The following SLMAP variants were observed in gnomAD, a reference collection of about 807,000 sequenced individuals.
The protein encoded by SLMAP is sarcolemmal membrane-associated protein.
In SLMAP, 44 loss-of-function variants were observed where a neutral mutation model predicts 128.8. The observed-to-expected ratio is 0.34, with a 90% CI of 0.27 to 0.44. SLMAP has a LOEUF of 0.44. SLMAP is among the 20% of genes least tolerant of loss of function. The pLI is 1.00. For synonymous variants in SLMAP, 327 were observed against 348.8 expected (o/e 0.94, Z 0.70); for missense variants, 787 against 985.3 (o/e 0.80, Z 2.69).
chr3:57,887,829 T>C (rs1278126501), intron 14 of SLMAP, among the ~76,000 whole-genome samples: 1 of 152,132 alleles, frequency 6.6e-6, no homozygotes, highest in Non-Finnish European at 1.5e-5. Context: ...AAACCAGATA[T>C]TACTGAGTGC....
At position 57,890,051 on chromosome 3, in the gene SLMAP, C is replaced by T. The variant is rs369261823; in HGVS notation, c.1311C>T (p.Ile437=). 3.0e-4 allele frequency: 490 copies of T among 1,612,444 alleles called. No individual in the cohort carries two copies. The highest frequency in any genetic ancestry group is 3.9e-4 in the Non-Finnish European group (465 of 1,178,600). The change falls in exon 15 of 25, where the codon ATC becomes ATT. Residue 437 remains isoleucine (I), a synonymous_variant. Transcript: ENST00000671191. ...TATTTTCCTTGGCAGAGAAGCTGAT[C>T]GTCGAAGGGCATCTAACCAAAGCGG... The part of the protein sequence containing the change: ...HQFIECQKKL[I]VEGHLTKAVE...
chr3:57,868,706 A>C (rs146621207), intron 13 of SLMAP, among the ~76,000 whole-genome samples: 2,100 of 150,468 alleles, frequency 0.014, 29 homozygotes, highest in Middle Eastern at 0.028. Context: ...CAGCCTGGAC[A>C]ACAGAGTAAG....
At chr3:57,760,698 A>T (rs1455226564) in intron 2 of SLMAP, among the ~76,000 whole-genome samples, 1 of 151,690 alleles carries the variant, frequency 6.6e-6, no homozygotes, top group Non-Finnish European at 1.5e-5. Flanking sequence ...CAGCCTGGGT[A>T]TCAAAGCAAG....
In SLMAP at chr3:57,917,195, T is replaced by C. The variant is rs112811813; in HGVS notation, c.2310+118T>C. ...AGAAGTCACATTACCTGTCACAAAA[T>C]TGATACTTGGAACATCTCTGCTTGG... On this transcript the variant is annotated intron_variant, in intron 22 of 24. Coordinates refer to ENST00000671191, the MANE Select transcript of SLMAP (RefSeq NM_001377540.1). 5.7e-4 allele frequency: 884 copies of C among 1,548,302 alleles called. 7 individuals carry two copies. In the African/African-American group the frequency reaches 0.011, roughly 19 times the overall value.
At chr3:57,865,122 C>T in intron 12 of SLMAP, 120 bp from the exon 13 acceptor site, 1 of 602,632 alleles carries the variant, frequency 1.7e-6, no homozygotes, top group South Asian at 2.6e-5. Context: ...CAGCAGGATC[C>T]CTTTTAAAGT....
Position 57,917,131 on chromosome 3 carries a change from C to G in SLMAP, c.2310+54C>G. ...TTATGGTTGGACTTAAAGCCAAAAG[C>G]AAATCGGATATCCATGCTAGTTAGA... On this transcript the variant is annotated intron_variant, in intron 22 of 24. Transcript: ENST00000671191. 2.5e-6 allele frequency: 4 copies of G among 1,609,388 alleles called. No individual in the cohort carries two copies. In the South Asian group the frequency reaches 3.3e-5, roughly 13 times the overall value.
intron 4 of SLMAP, among the ~76,000 whole-genome samples, chr3:57,844,778 G>C (rs1435033830): frequency 2.2e-5 from 3 of 137,428 alleles, no homozygotes; most frequent in African/African-American, 8.2e-5. Context: ...GCGGTGGTGT[G>C]ATCTCGGCTC....
At chr3:57,875,798 C>G (rs960075506) in intron 14 of SLMAP, among the ~76,000 whole-genome samples, 14 of 152,174 alleles carry the variant, frequency 9.2e-5, no homozygotes. Flanking sequence ...TTTGACTTGT[C>G]AGAAGGGACA....
chr3:57,890,329 G>T (rs1442278180), intron 15 of SLMAP: 1 of 418,054 alleles, frequency 2.4e-6, no homozygotes, highest in East Asian at 3.6e-5. Context: ...ATGGTTTTTT[G>T]AATGTTAGTA....
At position 57,913,209 on chromosome 3, in the gene SLMAP, A is replaced by G; in HGVS notation, c.2072A>G (p.His691Arg). 1 of 1,601,766 alleles carries G rather than the reference A, an allele frequency of 6.2e-7. No homozygotes were observed. Among genetic ancestry groups the G allele is most frequent in the Middle Eastern group, 1.7e-4 (1 of 6,006 alleles). ...KEWNALETECHSLKRENVLLS... is the reference protein window; with the variant it reads ...KEWNALETECRSLKRENVLLS... ...TGGAATGCATTGGAAACCGAATGCC[A>G]TTCTCTAAAAAGGGAAAATGTTTTG... The change falls in exon 21 of 25, where the codon CAT (histidine) becomes CGT (arginine). Residue 691 changes from histidine to arginine, a missense_variant. By Grantham distance (29) the His-to-Arg change is conservative. Transcript: ENST00000671191.
chr3:57,865,027 G>A (rs1054606765), intron 12 of SLMAP, among the ~76,000 whole-genome samples, 170 bp downstream of exon 12: 5 of 151,844 alleles, frequency 3.3e-5, no homozygotes, highest in African/African-American at 4.8e-5. Flanking sequence ...GCCACCAGTG[G>A]GCACCATTGT....
intron 2 of SLMAP, among the ~76,000 whole-genome samples, chr3:57,805,731 A>G (rs935039078): frequency 6.6e-6 from 1 of 152,114 alleles, no homozygotes; most frequent in Admixed American, 6.5e-5. Context: ...GTACTGCATG[A>G]TATGTCCTAA....
Position 57,907,922 on chromosome 3 carries a change from C to CTGTGAGCAA in SLMAP, c.1540_1541insTGTGAGCAA (p.Gln514delinsLeuTer). On this transcript the variant is annotated stop_gained and protein_altering_variant, in exon 18 of 25. Transcript: ENST00000671191. LOFTEE classifies it high-confidence loss of function. ...TGCACAGTCAGAAATTGAGGCAAAG[C>CTGTGAGCAA]AAGAAATACAGCATCTTCGAAAGGA... The CTGTGAGCAA allele has an allele frequency of 6.2e-7, 1 of 1,613,798 alleles. No individual in the cohort carries two copies.
intron 2 of SLMAP, among the ~76,000 whole-genome samples, chr3:57,812,755 T>A (rs2091210082): frequency 6.6e-6 from 1 of 152,124 alleles, no homozygotes; most frequent in Admixed American, 6.5e-5. Flanking sequence ...GTTTTTATTG[T>A]ACAAATATTT....
At chr3:57,792,206 G>C (rs2085627214) in intron 2 of SLMAP, among the ~76,000 whole-genome samples, 1 of 151,878 alleles carries the variant, frequency 6.6e-6, no homozygotes, top group African/African-American at 2.4e-5. Flanking sequence ...TGATGGTATT[G>C]ATTTTACTAT....
Position 57,871,623 on chromosome 3 carries a change from C to G in SLMAP, c.1238-13C>G, listed in dbSNP as rs762983685. Reference sequence around the variant, plus strand: ...ACAAACTATATCCTTAAAGGTGTTTCTTTCTTTATTAGAGCACTTGCTTTC... The same window carrying G: ...ACAAACTATATCCTTAAAGGTGTTTGTTTCTTTATTAGAGCACTTGCTTTC... On this transcript the variant is annotated splice_polypyrimidine_tract_variant and intron_variant, in intron 13 of 24. Coordinates refer to ENST00000671191, the MANE Select transcript of SLMAP (RefSeq NM_001377540.1). 1.9e-6 allele frequency: 3 copies of G among 1,607,978 alleles called. No homozygotes were observed. The highest frequency in any genetic ancestry group is 2.2e-5 in the South Asian group (2 of 90,690).
chr3:57,874,471 CT>C (rs2095556748), intron 14 of SLMAP, among the ~76,000 whole-genome samples: 1 of 151,446 alleles, frequency 6.6e-6, no homozygotes, highest in African/African-American at 2.4e-5. Flanking sequence ...AACAAAACAA[CT>C]TTTTGCCGGT....
chr3:57,908,269 A>G (rs2096614648), intron 18 of SLMAP, among the ~76,000 whole-genome samples: 1 of 152,240 alleles, frequency 6.6e-6, no homozygotes, highest in Non-Finnish European at 1.5e-5. Flanking sequence ...AGTTAATTGC[A>G]TATTAAGTAC....
chr3:57,894,019 A>G (rs2096171249), intron 15 of SLMAP, among the ~76,000 whole-genome samples: 3 of 152,264 alleles, frequency 2.0e-5, no homozygotes, highest in Admixed American at 6.5e-5. Flanking sequence ...TGGAATAGCC[A>G]TAACAAGTTA....
Sources: gnomAD v4.1 joint callset for allele counts (sites outside exome capture counted in the v4.1 genomes callset) on GRCh38, gnomAD v4.1.1 for gene constraint, MANE v1.5 for transcripts, NCBI Gene and HGNC (gene_info 2026-07-23, HGNC 2026-07-21) for gene names.